The following SLC10A7 variants were observed in gnomAD, a reference collection of about 807,000 sequenced individuals.
SLC10A7 encodes solute carrier family 10 member 7, also known as sodium/bile acid cotransporter 7.
Under a neutral mutation model 43.2 loss-of-function variants are expected in SLC10A7, and 29 were observed. That is an observed-to-expected ratio of 0.67 (90% CI 0.50 to 0.92). The LOEUF (loss-of-function observed/expected upper bound fraction) is 0.92. Among genes scored for constraint, SLC10A7 ranks in the 40% least tolerant of loss-of-function variants. The pLI is 0.00. For missense variants in SLC10A7, 295 were observed against 403.2 expected, an observed-to-expected ratio of 0.73 and a Z score of 2.30; for synonymous variants, 152 against 144.8, an observed-to-expected ratio of 1.05 and a Z score of -0.35.
At chr4:146,421,757 C>G (rs921133309) in intron 5 of SLC10A7, among the ~76,000 whole-genome samples, 1 of 152,238 alleles carries the variant, frequency 6.6e-6, no homozygotes, top group Non-Finnish European at 1.5e-5. Flanking sequence ...GTGAGCATAA[C>G]AGGCATGGTC....
intron 5 of SLC10A7, among the ~76,000 whole-genome samples, chr4:146,384,404 T>C (rs1366436621): frequency 2.0e-5 from 3 of 152,136 alleles, no homozygotes; most frequent in Non-Finnish European, 4.4e-5. Flanking sequence ...CATAGGTTAT[T>C]ATTTTATGAG....
At chr4:146,351,870 G>C (rs1312888805) in intron 5 of SLC10A7, among the ~76,000 whole-genome samples, 2 of 129,410 alleles carry the variant, frequency 1.5e-5, no homozygotes, top group Non-Finnish European at 3.2e-5. Context: ...TGCCCTAAAA[G>C]AGCTCCTGAA....
At chr4:146,363,344 C>A (rs993374157) in intron 5 of SLC10A7, among the ~76,000 whole-genome samples, 2 of 151,998 alleles carry the variant, frequency 1.3e-5, no homozygotes, top group Non-Finnish European at 2.9e-5. Context: ...GCACTCAATG[C>A]AGCATCCAGT....
At chr4:146,269,021 TA>T (rs1467584941) in intron 10 of SLC10A7, among the ~76,000 whole-genome samples, 1 of 152,222 alleles carries the variant, frequency 6.6e-6, no homozygotes, top group Non-Finnish European at 1.5e-5. Flanking sequence ...GTTGGTTGAT[TA>T]CCATTTTTAG....
chr4:146,419,218 TG>T (rs1346916988), intron 5 of SLC10A7, among the ~76,000 whole-genome samples: 1 of 152,004 alleles, frequency 6.6e-6, no homozygotes, highest in Non-Finnish European at 1.5e-5. Context: ...CCCAGGAGGT[TG>T]GGAAATGGGA....
intron 5 of SLC10A7, among the ~76,000 whole-genome samples, chr4:146,435,866 T>A (rs1730168746): frequency 1.3e-5 from 2 of 152,254 alleles, no homozygotes; most frequent in African/African-American, 4.8e-5. Flanking sequence ...ATTTATTTAT[T>A]TTTACTCAAA....
chr4:146,266,881 G>T (rs899630805), intron 10 of SLC10A7, among the ~76,000 whole-genome samples: 10 of 152,180 alleles, frequency 6.6e-5, no homozygotes, highest in African/African-American at 2.4e-4. Context: ...TACTTTGTCA[G>T]TTTTTGGATT....
At chr4:146,420,815 G>A (rs1728908757) in intron 5 of SLC10A7, among the ~76,000 whole-genome samples, 1 of 151,996 alleles carries the variant, frequency 6.6e-6, no homozygotes, top group Non-Finnish European at 1.5e-5. Context: ...GCTTGAGGCT[G>A]AGAGTTGAAG....
intron 5 of SLC10A7, among the ~76,000 whole-genome samples, chr4:146,427,917 T>A (rs556153934): frequency 4.6e-5 from 7 of 152,078 alleles, no homozygotes; most frequent in Non-Finnish European, 1.0e-4. Context: ...ATACCTGTAA[T>A]CCTAGCACTT....
intron 4 of SLC10A7, among the ~76,000 whole-genome samples, chr4:146,461,194 T>C (rs552493377): frequency 1.3e-5 from 2 of 152,030 alleles, no homozygotes; most frequent in Non-Finnish European, 2.9e-5. Flanking sequence ...AAATAAACTG[T>C]TTTAATTTAA....
At chr4:146,435,980 T>C (rs1275981727) in intron 5 of SLC10A7, among the ~76,000 whole-genome samples, 1 of 151,876 alleles carries the variant, frequency 6.6e-6, no homozygotes, top group Non-Finnish European at 1.5e-5. Context: ...GGTAATAAAA[T>C]AACTCCAGTC....
intron 5 of SLC10A7, among the ~76,000 whole-genome samples, chr4:146,380,344 C>T (rs1737523938): frequency 6.6e-6 from 1 of 151,988 alleles, no homozygotes; most frequent in South Asian, 2.1e-4. Context: ...TGGTAATAGG[C>T]TTGTGATATT....
intron 9 of SLC10A7, among the ~76,000 whole-genome samples, chr4:146,291,780 T>C (rs1470564103): frequency 6.6e-6 from 1 of 152,174 alleles, no homozygotes; most frequent in East Asian, 1.9e-4. Flanking sequence ...CCTTGCTCTA[T>C]ACTCTCTTGG....
At chr4:146,352,503 C>T (rs1163589231) in intron 5 of SLC10A7, among the ~76,000 whole-genome samples, 1 of 150,128 alleles carries the variant, frequency 6.7e-6, no homozygotes, top group Admixed American at 6.7e-5. Context: ...CAAGGATACC[C>T]AGGAATTGAA....
chr4:146,451,883 G>A (rs986609406), intron 4 of SLC10A7, among the ~76,000 whole-genome samples: 9 of 151,986 alleles, frequency 5.9e-5, no homozygotes, highest in South Asian at 2.1e-4. Context: ...TCTTCCTGCC[G>A]AGAGCAGCAA....
intron 2 of SLC10A7, 131 bp from the exon 3 acceptor site, chr4:146,510,180 A>G: frequency 1.5e-6 from 1 of 682,596 alleles, no homozygotes; most frequent in Non-Finnish European, 2.3e-6. Flanking sequence ...TTTTATCTAT[A>G]AGTATATGCA....
chr4:146,289,925 T>G (rs1307311959), intron 9 of SLC10A7, among the ~76,000 whole-genome samples: 1 of 149,890 alleles, frequency 6.7e-6, no homozygotes, highest in Non-Finnish European at 1.5e-5. Flanking sequence ...CATGTTGGCC[T>G]GGCTGGTTTT....
chr4:146,442,882 A>G, intron 4 of SLC10A7, 61 bp from the exon 5 acceptor site: 1 of 1,162,486 alleles, frequency 8.6e-7, no homozygotes, highest in Non-Finnish European at 1.2e-6. Context: ...TAATAAAGCC[A>G]AAGATTATCA....
At chr4:146,340,628 C>T (rs1448202824) in intron 5 of SLC10A7, among the ~76,000 whole-genome samples, 1 of 151,520 alleles carries the variant, frequency 6.6e-6, no homozygotes, top group African/African-American at 2.4e-5. Flanking sequence ...AGTACTGAGT[C>T]ATTTTTAGTT....
Sources: gnomAD v4.1 joint callset for allele counts (sites outside exome capture counted in the v4.1 genomes callset) on GRCh38, gnomAD v4.1.1 for gene constraint, MANE v1.5 for transcripts, NCBI Gene and HGNC (gene_info 2026-07-23, HGNC 2026-07-21) for gene names.